XKR9: variants seen among roughly 807,000 people sequenced by gnomAD.
XKR9 encodes XK-related protein 9.
In XKR9, 32 loss-of-function variants were observed where a neutral mutation model predicts 32.0. That is an observed-to-expected ratio of 1.00 (90% confidence interval 0.76 to 1.34). XKR9 has a LOEUF of 1.34. Ranked by LOEUF, XKR9 falls within the 40% of genes most tolerant of loss-of-function variation. XKR9 has a pLI of 0.00. For synonymous variants in XKR9, 168 were observed against 143.4 expected, an observed-to-expected ratio of 1.17 and a Z score of -1.22; for missense variants, 546 against 429.7, an observed-to-expected ratio of 1.27 and a Z score of -2.39.
the XKR9 span, among the ~76,000 whole-genome samples, chr8:70,927,002 A>G: frequency 3.3e-5 from 5 of 152,138 alleles, no homozygotes; most frequent in South Asian, 2.1e-4. Context: ...TATGTATAAA[A>G]TAAAATCCAT....
chr8:70,887,408 T>A, the XKR9 span, among the ~76,000 whole-genome samples: 1 of 150,846 alleles, frequency 6.6e-6, no homozygotes, highest in African/African-American at 2.4e-5. Context: ...CTATATGGGC[T>A]TTTTTTTTGG....
At chr8:71,027,783 G>T in the XKR9 span, among the ~76,000 whole-genome samples, 651 of 50,028 alleles carry the variant, frequency 0.013, 20 homozygotes, top group Non-Finnish European at 3.2e-3. Flanking sequence ...TTTTGGCGGG[G>T]GGGGGGGGTC....
chr8:70,763,700 G>A (rs1023985574), intron 2 of XKR9, among the ~76,000 whole-genome samples: 2 of 152,254 alleles, frequency 1.3e-5, no homozygotes, highest in African/African-American at 4.8e-5. Context: ...AGATATAAGG[G>A]CAGTGAATTG....
the XKR9 span, among the ~76,000 whole-genome samples, chr8:70,812,320 C>A: frequency 5.9e-5 from 9 of 152,140 alleles, no homozygotes; most frequent in African/African-American, 2.2e-4. Context: ...GTACGACAAA[C>A]CCACAGCCAA....
the XKR9 span, among the ~76,000 whole-genome samples, chr8:70,888,114 G>GT: frequency 6.6e-6 from 1 of 151,780 alleles, no homozygotes; most frequent in East Asian, 1.9e-4. Context: ...TACAATAATT[G>GT]TATCACACTA....
the XKR9 span, among the ~76,000 whole-genome samples, chr8:70,885,007 C>T: frequency 6.6e-6 from 1 of 152,100 alleles, no homozygotes; most frequent in Non-Finnish European, 1.5e-5. Context: ...TATCCATGAA[C>T]ATGGAATAAC....
At chr8:71,015,795 G>T in the XKR9 span, among the ~76,000 whole-genome samples, 1 of 151,752 alleles carries the variant, frequency 6.6e-6, no homozygotes, top group African/African-American at 2.4e-5. Flanking sequence ...AAAAACTTTT[G>T]AGTGGCTATT....
At chr8:70,951,758 G>A in the XKR9 span, among the ~76,000 whole-genome samples, 1 of 152,136 alleles carries the variant, frequency 6.6e-6, no homozygotes, top group Non-Finnish European at 1.5e-5. Flanking sequence ...CTCTTGGCAG[G>A]TTAAATGGAC....
chr8:70,832,084 A>C, the XKR9 span, among the ~76,000 whole-genome samples: 2 of 152,220 alleles, frequency 1.3e-5, no homozygotes, highest in Admixed American at 1.3e-4. Flanking sequence ...CTTTAGCTTG[A>C]TAGCCATCTA....
intron 2 of XKR9, among the ~76,000 whole-genome samples, chr8:70,752,910 C>T (rs12678221): frequency 6.7e-5 from 10 of 149,224 alleles, no homozygotes; most frequent in Non-Finnish European, 1.4e-4. Context: ...AAGAAATAAC[C>T]AAAATCAGAC....
the XKR9 span, among the ~76,000 whole-genome samples, chr8:70,938,457 C>T: frequency 1.3e-5 from 2 of 151,922 alleles, no homozygotes; most frequent in African/African-American, 4.8e-5. Flanking sequence ...GATCATTGCC[C>T]TCTTCTTCTG....
chr8:71,024,848 C>G, the XKR9 span, among the ~76,000 whole-genome samples: 1 of 152,168 alleles, frequency 6.6e-6, no homozygotes, highest in African/African-American at 2.4e-5. Flanking sequence ...TGCTGAATTT[C>G]AGTGTTCTCT....
At chr8:70,802,179 G>A in the XKR9 span, among the ~76,000 whole-genome samples, 85 of 151,664 alleles carry the variant, frequency 5.6e-4, no homozygotes, top group African/African-American at 1.8e-3. Flanking sequence ...CTCGTGAGCC[G>A]CCCGCCTCAG....
chr8:70,976,507 G>A, the XKR9 span, among the ~76,000 whole-genome samples: 1 of 152,230 alleles, frequency 6.6e-6, no homozygotes, highest in Non-Finnish European at 1.5e-5. Context: ...CTGTTCATGT[G>A]ATGGATTACG....
At chr8:70,981,832 G>T in the XKR9 span, among the ~76,000 whole-genome samples, 2 of 152,220 alleles carry the variant, frequency 1.3e-5, no homozygotes, top group African/African-American at 4.8e-5. Context: ...CCCATAGGGT[G>T]CTCCTTGATA....
intron 4 of XKR9, among the ~76,000 whole-genome samples, chr8:70,724,453 C>T (rs964962138): frequency 6.6e-6 from 1 of 150,584 alleles, no homozygotes; most frequent in African/African-American, 2.4e-5. Context: ...AAAACTCCTG[C>T]AGCTAGCTTG....
chr8:70,756,718 G>C (rs1807231512), intron 2 of XKR9, among the ~76,000 whole-genome samples: 1 of 152,142 alleles, frequency 6.6e-6, no homozygotes, highest in South Asian at 2.1e-4. Context: ...TTGAAGTCTT[G>C]CTGAACTTAT....
the XKR9 span, among the ~76,000 whole-genome samples, chr8:70,969,904 C>G: frequency 0.011 from 1,731 of 152,138 alleles, 26 homozygotes; most frequent in African/African-American, 0.034. Flanking sequence ...CTCTCCACCC[C>G]CAACCATTCA....
intron 2 of XKR9, among the ~76,000 whole-genome samples, chr8:70,781,217 C>CT (rs1460724144): frequency 6.6e-6 from 1 of 151,932 alleles, no homozygotes; most frequent in Non-Finnish European, 1.5e-5. Context: ...ACTTGTGTAT[C>CT]TTTTTTGGAA....
Sources: gnomAD v4.1 joint callset for allele counts (sites outside exome capture counted in the v4.1 genomes callset) on GRCh38, gnomAD v4.1.1 for gene constraint, MANE v1.5 for transcripts, NCBI Gene and HGNC (gene_info 2026-07-23, HGNC 2026-07-21) for gene names.